Variants in KMT2C observed in about 807,000 individuals in gnomAD.
KMT2C encodes lysine methyltransferase 2C, also known as histone-lysine N-methyltransferase 2C.
KMT2C carries 88 observed loss-of-function variants against 507.9 expected under a neutral mutation model. The observed-to-expected ratio is 0.17, with a 90% CI of 0.15 to 0.21. KMT2C has a LOEUF of 0.21. Among genes scored for constraint, KMT2C ranks in the 10% least tolerant of loss-of-function variants. The pLI is 1.00. For missense variants in KMT2C, 4,954 were observed against 5,957.8 expected (o/e 0.83, Z 5.55); for synonymous variants, 2,049 against 2,080.8 (o/e 0.98, Z 0.42).
intron 31 of KMT2C, among the ~76,000 whole-genome samples, chr7:152,193,439 A>G (rs976848124): frequency 6.6e-6 from 1 of 152,216 alleles, no homozygotes. Context: ...CTGATTTACT[A>G]TGAAAGTATG....
At position 152,352,945 on chromosome 7, in the gene KMT2C, ATAAC is replaced by A. The variant is rs2097125196; in HGVS notation, c.250+5638_250+5641del. Reference sequence around the variant, plus strand: ...AACACTAGGAGAAAAATGTTTAATTATAACTAACTGAATTATAATTAGCTAATTA... The same window carrying A: ...AACACTAGGAGAAAAATGTTTAATTATAACTGAATTATAATTAGCTAATTA... On this transcript the variant is annotated intron_variant, in intron 2 of 58. Transcript: ENST00000262189. 2.0e-5 allele frequency among the ~76,000 whole-genome samples: 3 copies of A among 152,374 alleles called. No homozygotes were observed. The South Asian group carries it at 6.2e-4, about 32-fold the overall frequency.
chr7:152,152,239 G>A (rs1192867534), intron 49 of KMT2C, among the ~76,000 whole-genome samples: 2 of 152,208 alleles, frequency 1.3e-5, no homozygotes, highest in Non-Finnish European at 2.9e-5. Context: ...GAGATGGGGG[G>A]CATGAACACC....
At chr7:152,221,885 C>A (rs1176628473) in intron 22 of KMT2C, 116 bp downstream of exon 22, 6 of 676,436 alleles carry the variant, frequency 8.9e-6, no homozygotes, top group Non-Finnish European at 1.3e-5. Context: ...ACCAACATTA[C>A]AGAATTTGGA....
intron 38 of KMT2C, among the ~76,000 whole-genome samples, chr7:152,175,365 C>A (rs887405310): frequency 2.0e-5 from 3 of 151,754 alleles, no homozygotes; most frequent in Admixed American, 1.3e-4. Flanking sequence ...GATACTTGTG[C>A]AGAATATGCT....
intron 18 of KMT2C, among the ~76,000 whole-genome samples, chr7:152,227,758 A>C (rs1295975504): frequency 6.6e-6 from 1 of 152,222 alleles, no homozygotes; most frequent in Non-Finnish European, 1.5e-5. Context: ...TGGAACACCA[A>C]GCCGTACTTC....
chr7:152,295,632 T>C (rs910406759), intron 6 of KMT2C, among the ~76,000 whole-genome samples: 2 of 152,222 alleles, frequency 1.3e-5, no homozygotes, highest in Admixed American at 6.5e-5. Context: ...TCCCCCTTTT[T>C]CCTTCCTACA....
chr7:152,314,829 C>T (rs1168890682), intron 4 of KMT2C, among the ~76,000 whole-genome samples: 2 of 152,070 alleles, frequency 1.3e-5, no homozygotes, highest in African/African-American at 4.8e-5. Flanking sequence ...TTATAAATTC[C>T]ATGAACTCCC....
intron 1 of KMT2C, among the ~76,000 whole-genome samples, chr7:152,413,407 C>A (rs1028551031): frequency 6.6e-6 from 1 of 152,064 alleles, no homozygotes; most frequent in Non-Finnish European, 1.5e-5. Flanking sequence ...GCCACTGCGC[C>A]CAGCCACAAA....
rs1319909531 is a variant in KMT2C, at chr7:152,434,096, G to A, written c.161+1530C>T. Reference sequence around the variant, plus strand: ...TGCTTTAAAGGATGCAAAAAAAAGTGGCTTACATGTCTAAAAATTACTTAA... The same window carrying A: ...TGCTTTAAAGGATGCAAAAAAAAGTAGCTTACATGTCTAAAAATTACTTAA... On this transcript the variant is annotated intron_variant, in intron 1 of 58. Transcript: ENST00000262189. Among the ~76,000 whole-genome samples, 4 of 152,160 alleles carry A rather than the reference G, an allele frequency of 2.6e-5. No individual in the cohort carries two copies. The South Asian group carries it at 8.3e-4, about 31-fold the overall frequency.
intron 1 of KMT2C, among the ~76,000 whole-genome samples, chr7:152,407,696 GA>G (rs5888469): frequency 1.1e-3 from 172 of 151,130 alleles, no homozygotes; most frequent in Middle Eastern, 6.9e-3. Flanking sequence ...GGTAGCAAAG[GA>G]AAAAAAAAAA....
chr7:152,192,524 G>C (rs1029926930), intron 31 of KMT2C, among the ~76,000 whole-genome samples: 1 of 151,616 alleles, frequency 6.6e-6, no homozygotes, highest in Admixed American at 6.6e-5. Flanking sequence ...CTGGGCGAAG[G>C]TGTGAGACTC....
rs2129101380 is a variant in KMT2C at position 152,158,863 on chromosome 7, C to T, written c.11670G>A (p.Gln3890=). Residue 3890 remains glutamine (Q), a splice_region_variant and synonymous_variant, in exon 44 of 59, where the codon CAG becomes CAA. Coordinates refer to ENST00000262189, the MANE Select transcript of KMT2C (RefSeq NM_170606.3). ...SSTDTFTHLK[Q]QNNLSNPPTP... ...GCTGCTCTAAATGACTCACCCTCACCTGTTTCAAGTGGGTAAACGTGTCAG... is the reference window on the plus strand; with the variant it reads ...GCTGCTCTAAATGACTCACCCTCACTTGTTTCAAGTGGGTAAACGTGTCAG... 6.2e-7 allele frequency: 1 copy of T among 1,613,904 alleles called. No homozygotes were observed. The highest frequency in any genetic ancestry group is 8.5e-7 in the Non-Finnish European group (1 of 1,179,754).
chr7:152,217,971 T>C (rs978863713), intron 23 of KMT2C, among the ~76,000 whole-genome samples: 2 of 152,218 alleles, frequency 1.3e-5, no homozygotes, highest in African/African-American at 4.8e-5. Context: ...TTGTTAAAGC[T>C]GATCTGATCA....
chr7:152,220,694 C>T lies in KMT2C; in HGVS notation c.3541G>A (p.Glu1181Lys), dbSNP rs2129145724. The T allele has an allele frequency of 6.2e-7, 1 of 1,611,464 alleles. No homozygotes were observed. Among genetic ancestry groups the T allele is most frequent in the Non-Finnish European group, 8.5e-7 (1 of 1,179,442 alleles). Residue 1181 changes from glutamate (E) to lysine (K), a missense_variant, in exon 23 of 59, where the codon GAA (glutamate) becomes AAA (lysine). By Grantham distance (56) the Glu-to-Lys change is moderately conservative. Transcript: ENST00000262189. ...CTCTGTAACTGAGTCATCCCTGATT[C>T]AGTCAAACACACACCATCCTGGGTA... ...TYTQDGVCLTESGMTQLQSLT... is the reference protein window; with the variant it reads ...TYTQDGVCLTKSGMTQLQSLT...
chr7:152,427,257 A>G (rs191061571), intron 1 of KMT2C, among the ~76,000 whole-genome samples: 491 of 151,808 alleles, frequency 3.2e-3, no homozygotes, highest in African/African-American at 0.011. Context: ...CTCGTGACTC[A>G]CCCTCCTGGC....
At chr7:152,333,219 C>T (rs1476719083) in intron 2 of KMT2C, among the ~76,000 whole-genome samples, 1 of 152,058 alleles carries the variant, frequency 6.6e-6, no homozygotes, top group East Asian at 1.9e-4. Flanking sequence ...TGATCATTCG[C>T]ATTCTTGGGC....
intron 52 of KMT2C, among the ~76,000 whole-genome samples, chr7:152,147,624 T>C (rs2091235803): frequency 6.7e-6 from 1 of 149,894 alleles, no homozygotes; most frequent in Non-Finnish European, 1.5e-5. Context: ...GGAGAATCAC[T>C]TGAACCCAGG....
intron 7 of KMT2C, among the ~76,000 whole-genome samples, chr7:152,271,079 C>A (rs998992452): frequency 6.6e-6 from 1 of 152,098 alleles, no homozygotes; most frequent in African/African-American, 2.4e-5. Context: ...AAAATAACTA[C>A]CCTTTTTAAA....
At chr7:152,264,557 C>G (rs1339654408) in intron 8 of KMT2C, among the ~76,000 whole-genome samples, 4 of 152,112 alleles carry the variant, frequency 2.6e-5, no homozygotes, top group Admixed American at 6.6e-5. Flanking sequence ...TAGAAATTGT[C>G]CTTCCTGGAA....
Sources: allele counts gnomAD v4.1 joint callset (sites outside exome capture counted in the v4.1 genomes callset), GRCh38; gene constraint gnomAD v4.1.1; transcripts MANE v1.5; gene names NCBI Gene and HGNC (gene_info 2026-07-23, HGNC 2026-07-21).